Variants in CDH13 observed in about 807,000 individuals in gnomAD.
CDH13 encodes the protein cadherin-13.
In CDH13, 24 loss-of-function variants were observed where a neutral mutation model predicts 63.8. The ratio of observed to expected loss-of-function variants is 0.38; its 90% CI spans 0.27 to 0.53. The LOEUF (loss-of-function observed/expected upper bound fraction) is 0.53, where lower values mean the gene tolerates loss of function less well. CDH13 is among the 20% of genes least tolerant of loss of function. The probability of loss-of-function intolerance (pLI) is 0.85; values close to 1 mark genes in which losing one functional copy is unlikely to be tolerated. For missense variants in CDH13, 1,049 were observed against 903.1 expected, an observed-to-expected ratio of 1.16 and a Z score of -2.07; for synonymous variants, 503 against 355.3, an observed-to-expected ratio of 1.42 and a Z score of -4.67.
chr16:82,689,450 G>A (rs1915417709), intron 1 of CDH13, among the ~76,000 whole-genome samples: 1 of 152,014 alleles, frequency 6.6e-6, no homozygotes, highest in Admixed American at 6.6e-5. Flanking sequence ...CATAACATTG[G>A]ATTTTTTGTG....
At chr16:83,125,913 C>T (rs2035791858) in intron 4 of CDH13, among the ~76,000 whole-genome samples, 1 of 152,074 alleles carries the variant, frequency 6.6e-6, no homozygotes, top group African/African-American at 2.4e-5. Flanking sequence ...GTCGGTTTTC[C>T]AAAAACTAAA....
chr16:83,077,172 C>T lies in CDH13; in HGVS notation c.366+44954C>T, dbSNP rs866547332. On this transcript the variant is annotated intron_variant, in intron 3 of 13. Coordinates refer to ENST00000567109, the MANE Select transcript of CDH13 (RefSeq NM_001257.5). The stretch of plus-strand genomic sequence containing the variant: ...ATTTTCTTTTTCTTTCTTTTCTTTT[C>T]TTTTTTTTCTTTTCTTTTTTTTTTT... Among the ~76,000 whole-genome samples, 668 of 103,144 alleles carry T rather than the reference C, an allele frequency of 6.5e-3. 2 individuals carry two copies. Among genetic ancestry groups the T allele is most frequent in the South Asian group, 8.2e-3 (25 of 3,052 alleles). The allele number at this position is 103,144 out of a possible 152,430, so 67.7% of individuals were successfully genotyped here.
At chr16:83,087,685 A>G (rs1221364832) in intron 3 of CDH13, among the ~76,000 whole-genome samples, 2 of 149,556 alleles carry the variant, frequency 1.3e-5, no homozygotes, top group Non-Finnish European at 3.0e-5. Flanking sequence ...AAAAAAAAAA[A>G]AAAAAAAAAA....
chr16:83,627,532 G>A (rs991775657), intron 8 of CDH13, among the ~76,000 whole-genome samples: 1 of 152,056 alleles, frequency 6.6e-6, no homozygotes, highest in African/African-American at 2.4e-5. Flanking sequence ...CGAGGAATTT[G>A]GATAGTTTAT....
At chr16:83,154,976 C>G (rs1034927733) in intron 4 of CDH13, among the ~76,000 whole-genome samples, 1 of 152,212 alleles carries the variant, frequency 6.6e-6, no homozygotes, top group African/African-American at 2.4e-5. Context: ...AAAAAATCCC[C>G]TCTGAAAAAT....
intron 4 of CDH13, among the ~76,000 whole-genome samples, chr16:83,162,938 C>G (rs1369074113): frequency 6.6e-6 from 1 of 152,068 alleles, no homozygotes; most frequent in African/African-American, 2.4e-5. Context: ...TATGGTTTGG[C>G]TGTGTCCCCA....
chr16:83,079,951 C>T (rs1197276560), intron 3 of CDH13, among the ~76,000 whole-genome samples: 1 of 152,200 alleles, frequency 6.6e-6, no homozygotes, highest in Admixed American at 6.5e-5. Context: ...AGTTGAGTCG[C>T]ACATTTCAGT....
intron 10 of CDH13, among the ~76,000 whole-genome samples, chr16:83,707,029 C>G (rs1030256356): frequency 1.3e-5 from 2 of 152,250 alleles, no homozygotes; most frequent in East Asian, 3.9e-4. Context: ...ATGCAGGTGT[C>G]CCCACAAAGA....
intron 4 of CDH13, among the ~76,000 whole-genome samples, chr16:83,133,814 G>A (rs139035410): frequency 6.6e-6 from 1 of 152,104 alleles, no homozygotes; most frequent in Non-Finnish European, 1.5e-5. Context: ...AATTTTACTT[G>A]ATCTCTTTTA....
At chr16:83,551,935 G>T (rs1019062786) in intron 7 of CDH13, among the ~76,000 whole-genome samples, 2 of 152,130 alleles carry the variant, frequency 1.3e-5, no homozygotes, top group Non-Finnish European at 2.9e-5. Context: ...TGGATGGATG[G>T]GTAGATAAGT....
At chr16:83,093,163 G>A (rs2034003980) in intron 3 of CDH13, among the ~76,000 whole-genome samples, 1 of 151,948 alleles carries the variant, frequency 6.6e-6, no homozygotes, top group Non-Finnish European at 1.5e-5. Context: ...TTCTTGTTCT[G>A]TCTCATCTTC....
At chr16:83,681,672 T>C (rs377626443) in intron 10 of CDH13, among the ~76,000 whole-genome samples, 2 of 152,298 alleles carry the variant, frequency 1.3e-5, no homozygotes, top group East Asian at 1.9e-4. Context: ...GGTTGAGCTA[T>C]TGTCATGGGA....
At chr16:83,003,875 G>C (rs1259432054) in intron 2 of CDH13, among the ~76,000 whole-genome samples, 1 of 152,182 alleles carries the variant, frequency 6.6e-6, no homozygotes, top group African/African-American at 2.4e-5. Flanking sequence ...TATCTATGAT[G>C]CCTCTCTGTC....
chr16:83,008,392 C>T (rs1913767645), intron 2 of CDH13, among the ~76,000 whole-genome samples: 1 of 152,068 alleles, frequency 6.6e-6, no homozygotes, highest in South Asian at 2.1e-4. Flanking sequence ...GCACTGTAGG[C>T]AGAAAGTACA....
At chr16:83,597,559 A>G (rs1358107466) in intron 7 of CDH13, among the ~76,000 whole-genome samples, 1 of 152,188 alleles carries the variant, frequency 6.6e-6, no homozygotes, top group East Asian at 1.9e-4. Flanking sequence ...AGGGTGGAGG[A>G]GAGTTCTTTG....
rs1391885313 is a variant in CDH13 at position 83,149,120 on chromosome 16, C to T, written c.483+23619C>T. Among the ~76,000 whole-genome samples, 6 of 152,260 alleles carry T rather than the reference C, an allele frequency of 3.9e-5. No homozygotes were observed. The East Asian group carries it at 1.2e-3, about 29-fold the overall frequency. ...TATGGCTACATGTTACTCCAAGATA[C>T]AGTAGTTCTATGGTAAGGTTGGAAT... On this transcript the variant is annotated intron_variant, in intron 4 of 13. Coordinates refer to ENST00000567109, the MANE Select transcript of CDH13 (RefSeq NM_001257.5).
intron 4 of CDH13, among the ~76,000 whole-genome samples, chr16:83,188,785 A>G (rs1483569807): frequency 6.6e-6 from 1 of 152,256 alleles, no homozygotes; most frequent in African/African-American, 2.4e-5. Context: ...ATGACCAACC[A>G]TAAAATTTTA....
chr16:83,473,636 G>A (rs2151543084), intron 6 of CDH13, among the ~76,000 whole-genome samples: 1 of 152,296 alleles, frequency 6.6e-6, no homozygotes, highest in African/African-American at 2.4e-5. Flanking sequence ...CCCCAGACAA[G>A]CTGTAATGCA....
intron 2 of CDH13, among the ~76,000 whole-genome samples, chr16:83,026,628 T>G (rs1040602322): frequency 2.6e-5 from 4 of 152,018 alleles, no homozygotes; most frequent in African/African-American, 9.7e-5. Context: ...AAAGAGCCCT[T>G]AGGGGAGTAG....
Sources: gnomAD v4.1 joint callset for allele counts (sites outside exome capture counted in the v4.1 genomes callset) on GRCh38, gnomAD v4.1.1 for gene constraint, MANE v1.5 for transcripts, NCBI Gene and HGNC (gene_info 2026-07-23, HGNC 2026-07-21) for gene names.